Variants in USP30 observed in about 807,000 individuals in gnomAD.
The protein encoded by USP30 is ubiquitin carboxyl-terminal hydrolase 30.
USP30 carries 41 observed loss-of-function variants against 68.2 expected under a neutral mutation model. The ratio of observed to expected loss-of-function variants is 0.60; its 90% CI spans 0.47 to 0.78. The LOEUF (loss-of-function observed/expected upper bound fraction) is 0.78, where lower values mean the gene tolerates loss of function less well. Ranked by LOEUF, USP30 falls within the 30% of genes least tolerant of loss-of-function variation. The pLI is 0.00. For missense variants in USP30, 522 were observed against 649.4 expected, an observed-to-expected ratio of 0.80 and a Z score of 2.13; for synonymous variants, 229 against 253.7, an observed-to-expected ratio of 0.90 and a Z score of 0.93.
intron 7 of USP30, among the ~76,000 whole-genome samples, chr12:109,080,512 C>T (rs2041765881): frequency 6.6e-6 from 1 of 152,222 alleles, no homozygotes; most frequent in African/African-American, 2.4e-5. Flanking sequence ...CAGGAACTCT[C>T]TCACCCTACT....
chr12:109,042,064 A>G (rs2135673455), intron 3 of USP30, among the ~76,000 whole-genome samples: 1 of 151,948 alleles, frequency 6.6e-6, no homozygotes, highest in South Asian at 2.1e-4. Context: ...ACCCAGAGTG[A>G]CCACTTAAGA....
intron 2 of USP30, among the ~76,000 whole-genome samples, chr12:109,026,613 G>A (rs1035204604): frequency 3.3e-5 from 5 of 151,356 alleles, no homozygotes; most frequent in Admixed American, 1.3e-4. Flanking sequence ...GACCGTAGGT[G>A]CGCACCACCA....
chr12:109,027,034 C>T (rs1241021488), intron 2 of USP30, among the ~76,000 whole-genome samples: 1 of 152,214 alleles, frequency 6.6e-6, no homozygotes, highest in Non-Finnish European at 1.5e-5. Flanking sequence ...TTTCCAAATA[C>T]ACATTATGGG....
chr12:109,056,555 T>C lies in USP30; in HGVS notation c.84-127T>C, dbSNP rs147368791. Reference sequence around the variant, plus strand: ...TTTTCAAGATGTAATCCTATGACTATATGTTACTTTAACTTGCAATTAGGT... The same window carrying C: ...TTTTCAAGATGTAATCCTATGACTACATGTTACTTTAACTTGCAATTAGGT... On this transcript the variant is annotated intron_variant, in intron 1 of 12. Transcript: ENST00000257548. 4 of 606,324 alleles carry C rather than the reference T, an allele frequency of 6.6e-6. No homozygotes were observed. The Admixed American group carries it at 1.2e-4, about 17-fold the overall frequency. The allele number at this position is 606,324 out of a possible 1,614,324, so 37.6% of individuals were successfully genotyped here.
intron 7 of USP30, among the ~76,000 whole-genome samples, chr12:109,079,153 A>AT (rs910237434): frequency 6.6e-6 from 1 of 151,336 alleles, no homozygotes; most frequent in Non-Finnish European, 1.5e-5. Flanking sequence ...CTTGGCTGTT[A>AT]TTTTTTCAAC....
intron 3 of USP30, chr12:109,059,846 CTG>C (rs2041006349): frequency 6.6e-6 from 1 of 152,192 alleles, no homozygotes; most frequent in South Asian, 2.1e-4. Context: ...GACTGTAGAA[CTG>C]TTTTTTTTCT....
At chr12:109,056,616 C>A in intron 1 of USP30, 66 bp from the exon 2 acceptor site, 2 of 1,156,842 alleles carry the variant, frequency 1.7e-6, no homozygotes, top group Non-Finnish European at 2.5e-6. Context: ...GTTATTCTGT[C>A]TATATCTGTA....
intron 7 of USP30, among the ~76,000 whole-genome samples, chr12:109,080,470 A>G (rs1020933941): frequency 9.9e-5 from 15 of 152,230 alleles, no homozygotes; most frequent in Non-Finnish European, 1.5e-4. Flanking sequence ...AGGAGGGCCA[A>G]TCTACCCAAG....
chr12:109,071,809 A>G, intron 5 of USP30, 99 bp downstream of exon 5: 4 of 1,174,238 alleles, frequency 3.4e-6, no homozygotes, highest in Non-Finnish European at 3.6e-6. Context: ...TAAAAGTAAG[A>G]TTCAGTAAAA....
At chr12:109,066,307 AG>A (rs2041248642) in intron 3 of USP30, among the ~76,000 whole-genome samples, 1 of 152,108 alleles carries the variant, frequency 6.6e-6, no homozygotes, top group Admixed American at 6.6e-5. Flanking sequence ...TTACAGAAAA[AG>A]TGCCAATCCT....
At chr12:109,077,921 A>C (rs988738921) in intron 7 of USP30, among the ~76,000 whole-genome samples, 1 of 152,174 alleles carries the variant, frequency 6.6e-6, no homozygotes, top group Non-Finnish European at 1.5e-5. Context: ...AAATCCTGGA[A>C]TATTACAAAA....
At chr12:109,060,812 G>A (rs912960803) in intron 3 of USP30, among the ~76,000 whole-genome samples, 9 of 151,982 alleles carry the variant, frequency 5.9e-5, no homozygotes, top group Non-Finnish European at 1.3e-4. Flanking sequence ...GCCCCACCAC[G>A]CCTGGCTAGT....
At chr12:109,055,400 A>ACATATATATATATATATATATTTTTTT (rs1555257267) in intron 1 of USP30, among the ~76,000 whole-genome samples, 5 of 24,472 alleles carry the variant, frequency 2.0e-4, no homozygotes, top group East Asian at 0.012. Flanking sequence ...ATATATATAT[A>ACATATATATATATATATATATTTTTTT]TTTTTTTTTT....
chr12:109,052,452 G>A (rs2040689441), upstream of USP30: 2 of 405,700 alleles, frequency 4.9e-6, no homozygotes, highest in Non-Finnish European at 8.7e-6. Context: ...CCGACGCCGG[G>A]GCCTGTTGCT....
intron 3 of USP30, among the ~76,000 whole-genome samples, chr12:109,034,120 T>G (rs2040502360): frequency 1.3e-5 from 2 of 152,286 alleles, no homozygotes; most frequent in South Asian, 2.1e-4. Context: ...TCTGAGTCGT[T>G]GTTTTCAAAG....
At chr12:109,082,137 C>G in intron 9 of USP30, 118 bp downstream of exon 9, 1 of 1,020,546 alleles carries the variant, frequency 9.8e-7, no homozygotes, top group Non-Finnish European at 1.5e-6. Context: ...TCAGCCACTT[C>G]TACTTCTCCC....
Position 109,030,161 on chromosome 12 carries a change from A to G in USP30, c.-136+2605A>G, listed in dbSNP as rs147157850. 1.7e-4 allele frequency among the ~76,000 whole-genome samples: 26 copies of G among 152,284 alleles called. 1 individual carries two copies. The highest frequency in any genetic ancestry group is 6.8e-3 in the Middle Eastern group (2 of 294). On this transcript the variant is annotated intron_variant, in intron 3 of 15. Coordinates refer to the USP30 transcript ENST00000392784. ...ATCCTGTCGCCCTGCCCAGCTGTCAATCATTGTGTACTGGGCACCAGCTTT... is the reference window on the plus strand; with the variant it reads ...ATCCTGTCGCCCTGCCCAGCTGTCAGTCATTGTGTACTGGGCACCAGCTTT...
intron 3 of USP30, among the ~76,000 whole-genome samples, chr12:109,043,466 C>T (rs140215254): frequency 3.9e-5 from 6 of 152,250 alleles, no homozygotes; most frequent in African/African-American, 9.6e-5. Flanking sequence ...AGTACCAATA[C>T]GATTGAATGG....
chr12:109,085,516 A>C, intron 12 of USP30, 151 bp from the exon 13 acceptor site: 38 of 883,050 alleles, frequency 4.3e-5, no homozygotes, highest in Non-Finnish European at 5.9e-5. Context: ...GCCAGTAAAT[A>C]CAGATCTGTA....
Sources: allele counts gnomAD v4.1 joint callset (sites outside exome capture counted in the v4.1 genomes callset), GRCh38; gene constraint gnomAD v4.1.1; transcripts MANE v1.5; gene names NCBI Gene and HGNC (gene_info 2026-07-23, HGNC 2026-07-21).